Variants in DIAPH3 observed in about 807,000 individuals in gnomAD.
DIAPH3 encodes the protein diaphanous related formin 3.
A neutral mutation model predicts 144.3 loss-of-function variants in DIAPH3; 117 were observed. That is an observed-to-expected ratio of 0.81 (90% CI 0.70 to 0.95). DIAPH3 has a LOEUF of 0.95. Among genes scored for constraint, DIAPH3 ranks in the 40% least tolerant of loss-of-function variants. DIAPH3 has a pLI of 0.00. For synonymous variants in DIAPH3, 519 were observed against 488.9 expected (o/e 1.06, Z -0.81); for missense variants, 1,421 against 1,412.7 (o/e 1.01, Z -0.09).
intron 1 of DIAPH3, among the ~76,000 whole-genome samples, chr13:60,133,742 A>T (rs1267823373): frequency 6.6e-6 from 1 of 152,190 alleles, no homozygotes; most frequent in Non-Finnish European, 1.5e-5. Context: ...TCTAAGTTTT[A>T]TAAGTCCCAG....
At chr13:59,837,659 G>A (rs2042108069) in intron 23 of DIAPH3, 1 of 150,840 alleles carries the variant, frequency 6.6e-6, no homozygotes, top group South Asian at 2.1e-4. Context: ...AAAAAGCTAA[G>A]AATGATGAAA....
At chr13:59,796,623 T>C (rs889764545) in intron 25 of DIAPH3, among the ~76,000 whole-genome samples, 3 of 152,216 alleles carry the variant, frequency 2.0e-5, no homozygotes, top group African/African-American at 7.2e-5. Context: ...TACAGATATA[T>C]TTCCCTAACT....
intron 17 of DIAPH3, among the ~76,000 whole-genome samples, chr13:59,943,456 A>T (rs970422400): frequency 1.3e-5 from 2 of 152,176 alleles, no homozygotes; most frequent in Non-Finnish European, 2.9e-5. Context: ...GCAACTGGAA[A>T]TGTAATAGCT....
At chr13:59,915,115 T>C (rs2047166242) in intron 19 of DIAPH3, among the ~76,000 whole-genome samples, 1 of 152,022 alleles carries the variant, frequency 6.6e-6, no homozygotes, top group African/African-American at 2.4e-5. Context: ...AAGTATTAAG[T>C]AGAAAAATTT....
At chr13:59,672,194 G>C (rs868092732) in intron 27 of DIAPH3, among the ~76,000 whole-genome samples, 1 of 152,200 alleles carries the variant, frequency 6.6e-6, no homozygotes, top group Non-Finnish European at 1.5e-5. Flanking sequence ...CTTCTCTGCT[G>C]CAGGAAGTAT....
intron 21 of DIAPH3, among the ~76,000 whole-genome samples, chr13:59,874,001 AGTT>A (rs1363663243): frequency 1.3e-5 from 2 of 152,056 alleles, no homozygotes; most frequent in African/African-American, 4.8e-5. Context: ...GAAGAAGTAA[AGTT>A]GTTTCGTTTT....
At chr13:59,882,897 G>A (rs2045171559) in intron 20 of DIAPH3, among the ~76,000 whole-genome samples, 1 of 152,202 alleles carries the variant, frequency 6.6e-6, no homozygotes, top group Non-Finnish European at 1.5e-5. Flanking sequence ...CCTGAAGGCA[G>A]GGAGCAGTAC....
intron 27 of DIAPH3, among the ~76,000 whole-genome samples, chr13:59,675,916 T>C (rs1369807267): frequency 6.6e-6 from 1 of 152,200 alleles, no homozygotes; most frequent in Non-Finnish European, 1.5e-5. Flanking sequence ...ACTTGCGAGC[T>C]GTATTAGAAA....
At chr13:60,057,463 A>G (rs55638381) in intron 4 of DIAPH3, among the ~76,000 whole-genome samples, 5,652 of 152,120 alleles carry the variant, frequency 0.037, 168 homozygotes, top group East Asian at 0.1. Context: ...GAAAATGACC[A>G]TACTACCTAA....
intron 20 of DIAPH3, among the ~76,000 whole-genome samples, chr13:59,896,903 T>C (rs1003117234): frequency 6.6e-6 from 1 of 152,186 alleles, no homozygotes; most frequent in South Asian, 2.1e-4. Context: ...GTCACAATAA[T>C]TGATCACACT....
chr13:59,858,604 A>G (rs1666769040), intron 22 of DIAPH3, among the ~76,000 whole-genome samples: 1 of 152,192 alleles, frequency 6.6e-6, no homozygotes, highest in East Asian at 1.9e-4. Context: ...CAACAAAAAA[A>G]AGTAAGTTTT....
intron 27 of DIAPH3, among the ~76,000 whole-genome samples, chr13:59,746,825 CATT>C (rs2036728656): frequency 6.6e-6 from 1 of 152,136 alleles, no homozygotes; most frequent in African/African-American, 2.4e-5. Context: ...GCGTATTTCT[CATT>C]ATGTATAATT....
At chr13:59,811,688 G>A (rs985485436) in intron 24 of DIAPH3, among the ~76,000 whole-genome samples, 12 of 136,132 alleles carry the variant, frequency 8.8e-5, no homozygotes, top group African/African-American at 3.3e-4. Context: ...AGTGAGCCGA[G>A]ATCGCACCAC....
intron 27 of DIAPH3, among the ~76,000 whole-genome samples, chr13:59,675,950 T>C (rs2032629533): frequency 6.6e-6 from 1 of 152,246 alleles, no homozygotes; most frequent in South Asian, 2.1e-4. Flanking sequence ...TATTTTTAAA[T>C]ACTTTAGGAC....
intron 25 of DIAPH3, among the ~76,000 whole-genome samples, chr13:59,781,961 C>T (rs757824982): frequency 6.6e-6 from 1 of 152,094 alleles, no homozygotes; most frequent in Non-Finnish European, 1.5e-5. Context: ...ATGGAGCAGA[C>T]AGTGAACCAT....
chr13:59,890,222 G>C (rs1388241959), intron 20 of DIAPH3, among the ~76,000 whole-genome samples: 1 of 151,996 alleles, frequency 6.6e-6, no homozygotes, highest in Non-Finnish European at 1.5e-5. Context: ...TTCCCCATTA[G>C]TGCTCTGCCC....
At chr13:59,873,138 T>G (rs1022163919) in intron 21 of DIAPH3, among the ~76,000 whole-genome samples, 2 of 152,250 alleles carry the variant, frequency 1.3e-5, no homozygotes, top group African/African-American at 4.8e-5. Context: ...AAATCAGTAT[T>G]TCTGTGATTT....
intron 5 of DIAPH3, among the ~76,000 whole-genome samples, chr13:60,016,961 G>A (rs773725115): frequency 1.3e-5 from 2 of 151,800 alleles, no homozygotes; most frequent in Non-Finnish European, 2.9e-5. Context: ...AGTAAACCTA[G>A]GCCAATAAAT....
chr13:60,022,543 G>A (rs57455628), intron 5 of DIAPH3, among the ~76,000 whole-genome samples: 6,123 of 152,202 alleles, frequency 0.04, 435 homozygotes, highest in African/African-American at 0.14. Flanking sequence ...TGCTGCCTGG[G>A]ACTCTGGGTA....
Sources: gnomAD v4.1 joint callset for allele counts (sites outside exome capture counted in the v4.1 genomes callset) on GRCh38, gnomAD v4.1.1 for gene constraint, MANE v1.5 for transcripts, NCBI Gene and HGNC (gene_info 2026-07-23, HGNC 2026-07-21) for gene names.